The following MYO18B variants were observed in gnomAD, a reference collection of about 807,000 sequenced individuals.
The protein encoded by MYO18B is unconventional myosin-XVIIIb.
A neutral mutation model predicts 273.0 loss-of-function variants in MYO18B; 204 were observed. The observed-to-expected ratio is 0.75, with a 90% CI of 0.67 to 0.84. The LOEUF (loss-of-function observed/expected upper bound fraction) is 0.84, where lower values mean the gene tolerates loss of function less well. MYO18B is among the 40% of genes least tolerant of loss of function. The pLI, the probability that MYO18B is intolerant of heterozygous loss-of-function variation, is 0.00. For missense variants in MYO18B, 3,212 were observed against 3,287.6 expected (o/e 0.98, Z 0.56); for synonymous variants, 1,330 against 1,305.7 (o/e 1.02, Z -0.40).
At chr22:25,886,509 G>C (rs778330996) in intron 25 of MYO18B, among the ~76,000 whole-genome samples, 5 of 152,314 alleles carry the variant, frequency 3.3e-5, no homozygotes, top group Middle Eastern at 3.4e-3. Context: ...CAGGTTGAAG[G>C]GGGTGGGAGT....
intron 17 of MYO18B, among the ~76,000 whole-genome samples, chr22:25,839,962 CT>C: frequency 6.6e-6 from 1 of 152,274 alleles, no homozygotes; most frequent in African/African-American, 2.4e-5. Flanking sequence ...GCATTTCCAC[CT>C]CCCCCTCCTT....
chr22:25,971,576 T>A (rs532303081), intron 39 of MYO18B, among the ~76,000 whole-genome samples: 1 of 152,306 alleles, frequency 6.6e-6, no homozygotes, highest in South Asian at 2.1e-4. Context: ...CATTTGAGAG[T>A]CTGGCAGCTC....
chr22:25,768,212 C>T lies in MYO18B; in HGVS notation c.296C>T (p.Pro99Leu), dbSNP rs761725266. The change falls in exon 4 of 44, where the codon CCT (proline) becomes CTT (leucine). Residue 99 changes from proline (P) to leucine (L), a missense_variant. Pro to Leu is a moderately conservative substitution (Grantham distance 98). Transcript: ENST00000335473. ...TCTCAGGACGACCAGTCAAGCTCTC[C>T]TGGGAGCTCAGACATTCTGGGCAAG... ...QISQDDQSSS[P>L]GSSDILGKES... 21 of 1,613,996 alleles carry T rather than the reference C, an allele frequency of 1.3e-5. No homozygotes were observed. Among genetic ancestry groups the T allele is most frequent in the Non-Finnish European group, 1.8e-5 (21 of 1,179,896 alleles).
intron 38 of MYO18B, 29 bp downstream of exon 38, chr22:25,952,452 G>A (rs752450851): frequency 6.2e-7 from 1 of 1,611,202 alleles, no homozygotes; most frequent in Non-Finnish European, 8.5e-7. Context: ...ATAGTGCCTG[G>A]GCCAAGAGCA....
intron 11 of MYO18B, 95 bp downstream of exon 11, chr22:25,785,586 C>A: frequency 7.5e-7 from 1 of 1,331,392 alleles, no homozygotes; most frequent in Admixed American, 2.0e-5. Context: ...TCTTTTGGTA[C>A]TGGGGTTCAT....
Position 25,851,513 on chromosome 22 carries a change from C to G in MYO18B, c.3819C>G (p.Phe1273Leu). Residue 1273 changes from phenylalanine (F) to leucine (L), a missense_variant, in exon 21 of 44, where the codon TTC becomes TTG. Phe to Leu is a conservative substitution (Grantham distance 22). Coordinates refer to ENST00000335473, the MANE Select transcript of MYO18B (RefSeq NM_032608.7). ...HMGLTRFRRQFQVLDAPLLKK... is the reference protein window; with the variant it reads ...HMGLTRFRRQLQVLDAPLLKK... ...GGCTCACTCGCTTCCGCCGGCAATT[C>G]CAGGTGCTGGACGCTCCACTCCTGA... is the stretch of plus-strand genomic sequence containing the variant. 3 of 1,561,036 alleles carry G rather than the reference C, an allele frequency of 1.9e-6. No homozygotes were observed. The highest frequency in any genetic ancestry group is 2.6e-6 in the Non-Finnish European group (3 of 1,152,136).
chr22:25,988,317 G>T (rs1027561001), intron 39 of MYO18B, among the ~76,000 whole-genome samples: 4 of 152,114 alleles, frequency 2.6e-5, no homozygotes, highest in African/African-American at 9.7e-5. Flanking sequence ...AAGATTTGCT[G>T]ATTGCTGATT....
At chr22:25,781,572 C>T (rs373418191) in intron 9 of MYO18B, among the ~76,000 whole-genome samples, 162 bp from the exon 10 acceptor site, 48 of 149,942 alleles carry the variant, frequency 3.2e-4, no homozygotes, top group Non-Finnish European at 4.9e-4. Context: ...ATCACGCCAC[C>T]GCACTCCAGC....
At chr22:25,798,622 C>T (rs1051115188) in intron 12 of MYO18B, among the ~76,000 whole-genome samples, 10 of 151,988 alleles carry the variant, frequency 6.6e-5, no homozygotes, top group Admixed American at 2.0e-4. Context: ...AGTAGTGGTG[C>T]GATCATAGCT....
At chr22:25,911,993 C>T (rs1290145219) in intron 33 of MYO18B, among the ~76,000 whole-genome samples, 2 of 152,196 alleles carry the variant, frequency 1.3e-5, no homozygotes, top group Non-Finnish European at 2.9e-5. Flanking sequence ...ATTTGCTTAA[C>T]ATGGGTTCGA....
At chr22:25,753,411 T>C (rs2331155) in intron 1 of MYO18B, among the ~76,000 whole-genome samples, 47,805 of 151,982 alleles carry the variant, frequency 0.31, 7,906 homozygotes, top group South Asian at 0.42. Flanking sequence ...AGTCAGCTCT[T>C]TGTAAAACGG....
At chr22:25,827,336 C>T (rs993642672) in intron 14 of MYO18B, among the ~76,000 whole-genome samples, 2 of 152,092 alleles carry the variant, frequency 1.3e-5, no homozygotes, top group African/African-American at 4.8e-5. Context: ...ATTTATTTTT[C>T]AAAATTGTCT....
At chr22:25,851,633 TA>T (rs1193150373) in intron 21 of MYO18B, 54 bp downstream of exon 21, 1 of 1,314,298 alleles carries the variant, frequency 7.6e-7, no homozygotes, top group East Asian at 2.5e-5. Flanking sequence ...ATATGTTGGT[TA>T]TTGGACATGT....
chr22:26,040,854 A>T, the MYO18B span, among the ~76,000 whole-genome samples: 1 of 152,136 alleles, frequency 6.6e-6, no homozygotes, highest in Non-Finnish European at 1.5e-5. Context: ...GGGTCAGATG[A>T]TGTAGGGCCT....
intron 1 of MYO18B, 43 bp from the exon 2 acceptor site, chr22:25,760,941 A>G (rs1480674009): frequency 1.2e-6 from 1 of 852,806 alleles, no homozygotes; most frequent in Admixed American, 2.0e-5. Flanking sequence ...CCATGAGCTA[A>G]CCTGTCTCTC....
At chr22:26,061,519 C>T in the MYO18B span, among the ~76,000 whole-genome samples, 24 of 152,156 alleles carry the variant, frequency 1.6e-4, no homozygotes, top group Middle Eastern at 3.4e-3. Context: ...TCTCTAGCCT[C>T]ACCAGATGAA....
intron 42 of MYO18B, among the ~76,000 whole-genome samples, chr22:26,012,700 C>T (rs1935005629): frequency 6.6e-6 from 1 of 152,180 alleles, no homozygotes; most frequent in African/African-American, 2.4e-5. Flanking sequence ...GTCTATGGAC[C>T]TTTTAGAAAA....
intron 14 of MYO18B, 124 bp downstream of exon 14, chr22:25,826,623 T>C: frequency 1.2e-6 from 1 of 805,340 alleles, no homozygotes; most frequent in Non-Finnish European, 2.0e-6. Context: ...AGGTGGACAG[T>C]GCTGGGTTTA....
intron 12 of MYO18B, among the ~76,000 whole-genome samples, chr22:25,803,165 G>A (rs931431102): frequency 3.0e-4 from 45 of 151,498 alleles, no homozygotes; most frequent in Non-Finnish European, 5.3e-4. Flanking sequence ...GGGTTTCACT[G>A]TATTAGCCAG....
Sources: gnomAD v4.1 joint callset for allele counts (sites outside exome capture counted in the v4.1 genomes callset) on GRCh38, gnomAD v4.1.1 for gene constraint, MANE v1.5 for transcripts, NCBI Gene and HGNC (gene_info 2026-07-23, HGNC 2026-07-21) for gene names.